The following CTNNA3 variants were observed in gnomAD, a reference collection of about 807,000 sequenced individuals.
CTNNA3 encodes catenin alpha-3.
Under a neutral mutation model 95.7 loss-of-function variants are expected in CTNNA3, and 76 were observed. That is an observed-to-expected ratio of 0.79 (90% CI 0.66 to 0.96). The LOEUF (loss-of-function observed/expected upper bound fraction) is 0.96. CTNNA3 is among the 40% of genes least tolerant of loss of function. CTNNA3 has a pLI of 0.00. For missense variants in CTNNA3, 1,191 were observed against 1,089.8 expected (o/e 1.09, Z -1.31); for synonymous variants, 431 against 374.4 (o/e 1.15, Z -1.74).
chr10:66,265,075 A>G (rs903943517), intron 13 of CTNNA3, among the ~76,000 whole-genome samples: 4 of 152,004 alleles, frequency 2.6e-5, no homozygotes, highest in African/African-American at 9.7e-5. Context: ...TTATCACCAC[A>G]ATCCAACCAG....
intron 5 of CTNNA3, among the ~76,000 whole-genome samples, chr10:67,244,950 C>T (rs1004381397): frequency 2.0e-5 from 3 of 152,094 alleles, no homozygotes; most frequent in Non-Finnish European, 4.4e-5. Flanking sequence ...TAAGCTTCTC[C>T]CCTTCTCTCA....
intron 9 of CTNNA3, among the ~76,000 whole-genome samples, chr10:66,754,664 C>CA (rs1839294688): frequency 6.6e-6 from 1 of 151,776 alleles, no homozygotes; most frequent in Non-Finnish European, 1.5e-5. Context: ...GCAAAGGATC[C>CA]AAATAGATAT....
intron 11 of CTNNA3, among the ~76,000 whole-genome samples, chr10:66,388,889 C>T (rs1239062794): frequency 8.5e-5 from 13 of 152,112 alleles, no homozygotes; most frequent in African/African-American, 2.7e-4. Flanking sequence ...TTGCATGAAG[C>T]TCTAAACATA....
At chr10:67,365,449 A>T (rs1224376414) in intron 5 of CTNNA3, among the ~76,000 whole-genome samples, 1 of 152,154 alleles carries the variant, frequency 6.6e-6, no homozygotes, top group African/African-American at 2.4e-5. Context: ...ACCCACATAA[A>T]GGGAGAAACA....
chr10:67,294,712 A>G (rs1011401009), intron 5 of CTNNA3, among the ~76,000 whole-genome samples: 5 of 152,106 alleles, frequency 3.3e-5, no homozygotes, highest in African/African-American at 4.8e-5. Flanking sequence ...TACTGGGGGA[A>G]AGTACTGATT....
chr10:67,077,644 G>A (rs1856806926), intron 7 of CTNNA3, among the ~76,000 whole-genome samples: 1 of 152,142 alleles, frequency 6.6e-6, no homozygotes, highest in Admixed American at 6.5e-5. Flanking sequence ...CTGGTTCCCT[G>A]TATTTTTCCT....
At chr10:65,965,899 T>A (rs552183842) in intron 17 of CTNNA3, among the ~76,000 whole-genome samples, 87 of 152,286 alleles carry the variant, frequency 5.7e-4, no homozygotes, top group African/African-American at 2.0e-3. Flanking sequence ...CATTTAAACT[T>A]AAATTTATAA....
intron 7 of CTNNA3, among the ~76,000 whole-genome samples, chr10:67,066,535 C>CAA (rs57093251): frequency 0.019 from 1,491 of 80,096 alleles, 31 homozygotes; most frequent in African/African-American, 0.05. Flanking sequence ...CAGTTCTTGA[C>CAA]AAAAAAAAAA....
chr10:67,102,370 G>A (rs990976578), intron 7 of CTNNA3, among the ~76,000 whole-genome samples: 14 of 149,966 alleles, frequency 9.3e-5, no homozygotes, highest in Admixed American at 5.3e-4. Flanking sequence ...ACATCAAAGT[G>A]GTGATGAGTC....
chr10:67,011,013 T>G (rs538564056), intron 7 of CTNNA3, among the ~76,000 whole-genome samples: 1 of 152,234 alleles, frequency 6.6e-6, no homozygotes, highest in East Asian at 1.9e-4. Flanking sequence ...ATTATTAAAC[T>G]GAAATTAAGA....
chr10:67,532,480 T>G (rs1840358617), intron 4 of CTNNA3, among the ~76,000 whole-genome samples: 1 of 152,226 alleles, frequency 6.6e-6, no homozygotes, highest in African/African-American at 2.4e-5. Flanking sequence ...AAATATACAT[T>G]TGACAAAAGT....
At chr10:67,016,610 G>A (rs910486102) in intron 7 of CTNNA3, among the ~76,000 whole-genome samples, 5 of 152,116 alleles carry the variant, frequency 3.3e-5, no homozygotes, top group Admixed American at 2.6e-4. Context: ...TATGTATCAC[G>A]CAGAAACTAA....
chr10:66,056,412 G>A (rs56727220), intron 15 of CTNNA3, among the ~76,000 whole-genome samples: 27,285 of 151,982 alleles, frequency 0.18, 2,924 homozygotes, highest in Middle Eastern at 0.25. Flanking sequence ...ACTTTTTAAT[G>A]TGTTGTGAAT....
intron 7 of CTNNA3, among the ~76,000 whole-genome samples, chr10:66,952,858 C>A (rs939728692): frequency 1.3e-4 from 20 of 151,888 alleles, no homozygotes; most frequent in Admixed American, 5.9e-4. Flanking sequence ...AAGCCTGATA[C>A]AAAAACAGGT....
chr10:66,613,384 G>C (rs556505422), intron 10 of CTNNA3, among the ~76,000 whole-genome samples: 24 of 152,086 alleles, frequency 1.6e-4, no homozygotes, highest in Middle Eastern at 3.4e-3. Flanking sequence ...CCTCACCCTA[G>C]CTTCATGGAT....
chr10:65,941,089 A>G (rs2133176761), intron 17 of CTNNA3, among the ~76,000 whole-genome samples: 1 of 152,356 alleles, frequency 6.6e-6, no homozygotes, highest in African/African-American at 2.4e-5. Context: ...ATATTTACAT[A>G]GTTCAAATGC....
intron 9 of CTNNA3, among the ~76,000 whole-genome samples, chr10:66,682,031 T>C (rs1032605703): frequency 8.5e-5 from 13 of 152,204 alleles, no homozygotes; most frequent in Non-Finnish European, 1.6e-4. Flanking sequence ...TCAGGTCCTT[T>C]GTAGTGAGTG....
intron 13 of CTNNA3, among the ~76,000 whole-genome samples, chr10:66,116,746 G>A (rs1417914570): frequency 6.6e-6 from 1 of 152,122 alleles, no homozygotes; most frequent in Non-Finnish European, 1.5e-5. Flanking sequence ...TAAGAGGCAT[G>A]GCTGGGGAGG....
chr10:66,093,170 TTTAAA>T (rs2081274777), intron 14 of CTNNA3, among the ~76,000 whole-genome samples: 1 of 151,958 alleles, frequency 6.6e-6, no homozygotes, highest in African/African-American at 2.4e-5. Context: ...TATACAGTGT[TTTAAA>T]CTTTAATTTT....
Sources: allele counts gnomAD v4.1 joint callset (sites outside exome capture counted in the v4.1 genomes callset), GRCh38; gene constraint gnomAD v4.1.1; transcripts MANE v1.5; gene names NCBI Gene and HGNC (gene_info 2026-07-23, HGNC 2026-07-21).